Variants in MDGA2 observed in about 807,000 individuals in gnomAD.
The protein encoded by MDGA2 is MAM domain containing glycosylphosphatidylinositol anchor 2, also known as MAM domain-containing glycosylphosphatidylinositol anchor protein 2.
Under a neutral mutation model 117.8 loss-of-function variants are expected in MDGA2, and 40 were observed. The observed-to-expected ratio is 0.34, with a 90% CI of 0.26 to 0.44. The LOEUF (loss-of-function observed/expected upper bound fraction) is 0.44, where lower values mean the gene tolerates loss of function less well. Ranked by LOEUF, MDGA2 falls within the 20% of genes least tolerant of loss-of-function variation. The pLI is 1.00. For missense variants in MDGA2, 1,123 were observed against 1,250.6 expected (o/e 0.90, Z 1.54); for synonymous variants, 452 against 439.0 (o/e 1.03, Z -0.37).
intron 10 of MDGA2, among the ~76,000 whole-genome samples, chr14:46,918,357 A>G (rs1007171272): frequency 1.6e-4 from 24 of 152,200 alleles, no homozygotes; most frequent in African/African-American, 5.8e-4. Flanking sequence ...AAAGTCAAGA[A>G]TCCTTATAGA....
At chr14:47,324,784 C>T (rs760286952) in intron 1 of MDGA2, among the ~76,000 whole-genome samples, 15 of 151,810 alleles carry the variant, frequency 9.9e-5, no homozygotes, top group Non-Finnish European at 2.1e-4. Context: ...TTATCTCACC[C>T]TCGTGAAACA....
chr14:47,505,807 C>T (rs955443162), intron 1 of MDGA2, among the ~76,000 whole-genome samples: 20 of 152,138 alleles, frequency 1.3e-4, no homozygotes, highest in Non-Finnish European at 2.6e-4. Context: ...TTCATGTGTT[C>T]GGCATATATC....
chr14:47,007,592 A>G (rs1887756383), intron 8 of MDGA2, among the ~76,000 whole-genome samples: 1 of 151,860 alleles, frequency 6.6e-6, no homozygotes, highest in Non-Finnish European at 1.5e-5. Flanking sequence ...TTTGAGAAGT[A>G]AGGAATAAAA....
intron 1 of MDGA2, among the ~76,000 whole-genome samples, chr14:47,665,905 G>A (rs1026835837): frequency 1.3e-5 from 2 of 149,400 alleles, no homozygotes; most frequent in Middle Eastern, 3.4e-3. Context: ...CTGCTCCATG[G>A]TGCCCAGTCC....
chr14:47,237,603 T>C (rs1043646683), intron 2 of MDGA2, among the ~76,000 whole-genome samples: 2 of 152,158 alleles, frequency 1.3e-5, no homozygotes, highest in African/African-American at 4.8e-5. Context: ...TACGAATATA[T>C]CTGTTCGTAG....
chr14:47,443,557 G>T (rs1158216699), intron 1 of MDGA2, among the ~76,000 whole-genome samples: 1 of 152,046 alleles, frequency 6.6e-6, no homozygotes, highest in African/African-American at 2.4e-5. Flanking sequence ...AATATTCATT[G>T]TTCTGCATTT....
intron 6 of MDGA2, among the ~76,000 whole-genome samples, chr14:47,089,018 A>C (rs1468818634): frequency 6.6e-6 from 1 of 152,188 alleles, no homozygotes; most frequent in African/African-American, 2.4e-5. Flanking sequence ...CCTTCAATTA[A>C]AAGAGGCTGT....
At chr14:47,633,046 T>C (rs1897265583) in intron 1 of MDGA2, among the ~76,000 whole-genome samples, 2 of 152,234 alleles carry the variant, frequency 1.3e-5, no homozygotes, top group Non-Finnish European at 2.9e-5. Flanking sequence ...GTTGGCATGC[T>C]GCCTGGCAAA....
chr14:47,385,235 T>C (rs1368221615), intron 1 of MDGA2, among the ~76,000 whole-genome samples: 1 of 152,046 alleles, frequency 6.6e-6, no homozygotes, highest in African/African-American at 2.4e-5. Flanking sequence ...TATATAAATA[T>C]AAATATCTAC....
chr14:46,851,882 GA>G (rs1041969937), intron 15 of MDGA2, among the ~76,000 whole-genome samples: 10 of 149,304 alleles, frequency 6.7e-5, no homozygotes, highest in Non-Finnish European at 1.3e-4. Flanking sequence ...TGAGAAGTTT[GA>G]CAAGTTATAA....
intron 2 of MDGA2, among the ~76,000 whole-genome samples, chr14:47,296,226 G>A (rs1889068912): frequency 6.6e-6 from 1 of 151,910 alleles, no homozygotes; most frequent in African/African-American, 2.4e-5. Context: ...ATACATAAAT[G>A]ACTTTAAGCT....
intron 10 of MDGA2, among the ~76,000 whole-genome samples, chr14:46,888,169 A>G (rs1372517337): frequency 1.3e-5 from 2 of 152,036 alleles, no homozygotes; most frequent in Non-Finnish European, 2.9e-5. Context: ...AGCAGTTGGC[A>G]GAATAAGCAA....
At chr14:46,911,060 T>C (rs1415194113) in intron 10 of MDGA2, among the ~76,000 whole-genome samples, 1 of 152,110 alleles carries the variant, frequency 6.6e-6, no homozygotes, top group African/African-American at 2.4e-5. Context: ...GATTAATACC[T>C]GGGTGATGAA....
intron 8 of MDGA2, among the ~76,000 whole-genome samples, chr14:47,013,393 C>G (rs924126652): frequency 3.0e-4 from 46 of 152,240 alleles, no homozygotes; most frequent in African/African-American, 1.1e-3. Context: ...TGCAGCAATT[C>G]AGTCACATCC....
At position 46,913,402 on chromosome 14, in the gene MDGA2, C is replaced by T. The variant is rs575781264; in HGVS notation, c.2238+6610G>A. On this transcript the variant is annotated intron_variant, in intron 10 of 16. Coordinates refer to ENST00000399232, the MANE Select transcript of MDGA2 (RefSeq NM_001113498.3). Reference sequence around the variant, plus strand: ...CCTGGACAGGCATGAAATGGTTCCTCCAAACAGTTCTTGCAATAAAATCTA... The same window carrying T: ...CCTGGACAGGCATGAAATGGTTCCTTCAAACAGTTCTTGCAATAAAATCTA... Among the ~76,000 whole-genome samples, 13 of 152,204 alleles carry T rather than the reference C, an allele frequency of 8.5e-5. No individual in the cohort carries two copies. In the South Asian group the frequency reaches 2.7e-3, roughly 32 times the overall value.
chr14:46,938,559 A>AAAAAAAAAAAAAAAAAAAAAAAAAAAAC (rs1566535268), intron 9 of MDGA2, among the ~76,000 whole-genome samples: 1 of 148,942 alleles, frequency 6.7e-6, no homozygotes, highest in Non-Finnish European at 1.5e-5. Flanking sequence ...AAAAAAAAAA[A>AAAAAAAAAAAAAAAAAAAAAAAAAAAAC]AGAGACATCA....
At chr14:46,994,102 A>G (rs551629616) in intron 8 of MDGA2, among the ~76,000 whole-genome samples, 1 of 152,202 alleles carries the variant, frequency 6.6e-6, no homozygotes, top group Admixed American at 6.5e-5. Context: ...CCTTTAAAGA[A>G]ATATCTGAAC....
chr14:47,545,740 A>C (rs1895449053), intron 1 of MDGA2, among the ~76,000 whole-genome samples: 1 of 152,150 alleles, frequency 6.6e-6, no homozygotes. Context: ...TTTAATAATG[A>C]TAATAAGAAA....
chr14:46,986,379 T>G (rs1327120227), intron 8 of MDGA2, among the ~76,000 whole-genome samples: 1 of 152,070 alleles, frequency 6.6e-6, no homozygotes, highest in East Asian at 1.9e-4. Flanking sequence ...AGCTACTCCC[T>G]TTAATTATAA....
Sources: allele counts gnomAD v4.1 joint callset (sites outside exome capture counted in the v4.1 genomes callset), GRCh38; gene constraint gnomAD v4.1.1; transcripts MANE v1.5; gene names NCBI Gene and HGNC (gene_info 2026-07-23, HGNC 2026-07-21).